VPS13D: variants seen among roughly 807,000 people sequenced by gnomAD.
VPS13D encodes vacuolar protein sorting 13 homolog D.
A neutral mutation model predicts 461.9 loss-of-function variants in VPS13D; 187 were observed. The ratio of observed to expected loss-of-function variants is 0.40; its 90% CI spans 0.36 to 0.46. The LOEUF is 0.46. Among genes scored for constraint, VPS13D ranks in the 20% least tolerant of loss-of-function variants. The pLI is 0.60. For synonymous variants in VPS13D, 1,951 were observed against 1,986.3 expected (o/e 0.98, Z 0.47); for missense variants, 4,711 against 5,364.9 (o/e 0.88, Z 3.81).
At position 12,280,032 on chromosome 1, in the gene VPS13D, G is replaced by T. The variant is rs139029931; in HGVS notation, c.4602+382G>T. Among the ~76,000 whole-genome samples the T allele has an allele frequency of 1.1e-3, 162 of 152,112 alleles. 1 individual carries two copies. The East Asian group carries it at 0.019, about 18-fold the overall frequency. ...AAACATTGTGATCATCTGAGCTGTG[G>T]ACAGATCCTTTCAACAGAGAATTAG... On this transcript the variant is annotated intron_variant, in intron 20 of 69. Transcript: ENST00000620676.
intron 49 of VPS13D, 51 bp from the exon 50 acceptor site, chr1:12,358,408 T>G (rs1643905741): frequency 6.2e-7 from 1 of 1,604,764 alleles, no homozygotes; most frequent in East Asian, 2.2e-5. Flanking sequence ...AACAGGCAGA[T>G]AAGACTTTCT....
At chr1:12,482,859 T>C (rs1027005177) in intron 67 of VPS13D, among the ~76,000 whole-genome samples, 6 of 151,738 alleles carry the variant, frequency 4.0e-5, no homozygotes, top group Non-Finnish European at 7.4e-5. Context: ...TCTAATCTTT[T>C]TCACTCCACA....
chr1:12,438,144 C>G (rs1157657141), intron 65 of VPS13D, among the ~76,000 whole-genome samples: 12 of 152,148 alleles, frequency 7.9e-5, no homozygotes. Context: ...TGTTATAGGA[C>G]TTAGAGAAAT....
intron 60 of VPS13D, among the ~76,000 whole-genome samples, chr1:12,390,593 G>A (rs1422805061): frequency 1.2e-4 from 19 of 152,230 alleles, no homozygotes; most frequent in Admixed American, 1.2e-3. Context: ...CGTATCTGGA[G>A]TAAGCGTCTA....
At position 12,348,961 on chromosome 1, in the gene VPS13D, T is replaced by A; in HGVS notation, c.9208T>A (p.Ser3070Thr). ...AATGGAACTAAGACTGGATAGCCCA[T>A]CAGCTCCAGACAGTATGTTTTGATT... Reference protein sequence around the residue: ...TPMELRLDSPSAPDKPVVLPA... With the variant: ...TPMELRLDSPTAPDKPVVLPA... The change falls in exon 45 of 70, where the codon TCA (serine) becomes ACA (threonine). Residue 3070 changes from serine to threonine, a missense_variant. Transcript: ENST00000620676. The A allele has an allele frequency of 6.2e-7, 1 of 1,614,184 alleles. No individual in the cohort carries two copies. Among genetic ancestry groups the A allele is most frequent in the Non-Finnish European group, 8.5e-7 (1 of 1,180,026 alleles).
intron 11 of VPS13D, 74 bp from the exon 12 acceptor site, chr1:12,260,874 T>C: frequency 6.2e-7 from 1 of 1,610,516 alleles, no homozygotes; most frequent in Non-Finnish European, 8.5e-7. Flanking sequence ...TGTGCTCCTG[T>C]GGGGAAACAG....
chr1:12,461,268 C>CCA (rs1645409518), intron 67 of VPS13D, among the ~76,000 whole-genome samples: 1 of 152,136 alleles, frequency 6.6e-6, no homozygotes, highest in South Asian at 2.1e-4. Flanking sequence ...AGGGCCTGGC[C>CCA]CACATCCACA....
chr1:12,487,983 C>T (rs180971867), intron 67 of VPS13D, among the ~76,000 whole-genome samples: 3 of 152,248 alleles, frequency 2.0e-5, no homozygotes, highest in Non-Finnish European at 1.5e-5. Flanking sequence ...TTTGCTCTAG[C>T]TCGTTTTAAA....
chr1:12,477,636 C>A (rs1012771284), intron 67 of VPS13D, among the ~76,000 whole-genome samples: 1 of 152,296 alleles, frequency 6.6e-6, no homozygotes, highest in Admixed American at 6.5e-5. Context: ...TTAATGAGAA[C>A]ACATGGATAG....
In VPS13D at chr1:12,354,124, T is replaced by C; in HGVS notation, c.9582T>C (p.Leu3194=). Residue 3194 remains leucine, a synonymous_variant, in exon 47 of 70, where the codon CTT becomes CTC. Coordinates refer to ENST00000620676, the MANE Select transcript of VPS13D (RefSeq NM_015378.4). ...TCTGCAACTTGCTACCCTGTGAACTTGATTTTTATGTTAAAGGAATGCCAA... is the reference window on the plus strand; with the variant it reads ...TCTGCAACTTGCTACCCTGTGAACTCGATTTTTATGTTAAAGGAATGCCAA... ...VVICNLLPCE[L]DFYVKGMPIN... The C allele has an allele frequency of 1.2e-6, 2 of 1,614,226 alleles. No individual in the cohort carries two copies. Among genetic ancestry groups the C allele is most frequent in the Non-Finnish European group, 1.7e-6 (2 of 1,180,032 alleles).
intron 65 of VPS13D, among the ~76,000 whole-genome samples, chr1:12,435,968 A>T (rs1027053432): frequency 3.9e-5 from 6 of 152,212 alleles, no homozygotes; most frequent in African/African-American, 1.2e-4. Context: ...CTAACTCTAC[A>T]CATCGAGCTG....
At position 12,273,139 on chromosome 1, in the gene VPS13D, T is replaced by C; in HGVS notation, c.2236+4T>C. ...ATGCTTTTGACGAACACCCAAGGTA[T>C]AGTGTGAGTGGGAAATAATGAAAAC... On this transcript the variant is annotated splice_donor_region_variant and intron_variant, in intron 18 of 69. Coordinates refer to ENST00000620676, the MANE Select transcript of VPS13D (RefSeq NM_015378.4). The C allele has an allele frequency of 1.9e-6, 3 of 1,613,384 alleles. No individual in the cohort carries two copies. Among genetic ancestry groups the C allele is most frequent in the Non-Finnish European group, 1.7e-6 (2 of 1,179,768 alleles).
chr1:12,239,713 G>C (rs190772551), intron 2 of VPS13D, among the ~76,000 whole-genome samples: 1 of 152,110 alleles, frequency 6.6e-6, no homozygotes, highest in South Asian at 2.1e-4. Flanking sequence ...CTGGAGCAGC[G>C]GGAAGAGAGT....
chr1:12,256,690 G>GC (rs1640932659), intron 8 of VPS13D, among the ~76,000 whole-genome samples, 187 bp downstream of exon 8: 1 of 123,028 alleles, frequency 8.1e-6, no homozygotes. Context: ...TCTCAGGTTA[G>GC]TTTTTTTTTT....
At chr1:12,267,647 A>G (rs114721673) in intron 14 of VPS13D, among the ~76,000 whole-genome samples, 198 bp from the exon 15 acceptor site, 2 of 152,324 alleles carry the variant, frequency 1.3e-5, no homozygotes, top group African/African-American at 4.8e-5. Context: ...TTGTCAGTAC[A>G]AAGGAAAAGA....
rs778064785 is a variant in VPS13D at position 12,256,401 on chromosome 1, T to C, written c.738T>C (p.Ala246=). 1.2e-6 allele frequency: 2 copies of C among 1,614,082 alleles called. No individual in the cohort carries two copies. The highest frequency in any genetic ancestry group is 2.2e-5 in the South Asian group (2 of 91,074). Residue 246 remains alanine, a synonymous_variant, in exon 8 of 70, where the codon GCT becomes GCC. Coordinates refer to ENST00000620676, the MANE Select transcript of VPS13D (RefSeq NM_015378.4). Reference sequence around the variant, plus strand: ...TCCTGGAGCCTGTGTTTGCATCTGCTCTTTTGAAGAGAAACTGCTCCAAGA... The same window carrying C: ...TCCTGGAGCCTGTGTTTGCATCTGCCCTTTTGAAGAGAAACTGCTCCAAGA... ...HYVLEPVFAS[A]LLKRNCSKKP... is the part of the protein sequence containing the mutation.
At chr1:12,506,770 G>A in intron 68 of VPS13D, 83 bp from the exon 69 acceptor site, 1 of 1,543,696 alleles carries the variant, frequency 6.5e-7, no homozygotes, top group Non-Finnish European at 8.8e-7. Context: ...CAGGCCCTGG[G>A]GCCACAGAGC....
chr1:12,442,310 T>C (rs1645140912), intron 65 of VPS13D, among the ~76,000 whole-genome samples: 1 of 152,206 alleles, frequency 6.6e-6, no homozygotes. Context: ...TCTTTGAATT[T>C]ATTATATATT....
intron 67 of VPS13D, among the ~76,000 whole-genome samples, chr1:12,487,005 A>C (rs1450072781): frequency 1.3e-5 from 2 of 152,024 alleles, no homozygotes; most frequent in Non-Finnish European, 2.9e-5. Flanking sequence ...CCTCCCTGGA[A>C]GAGATGAGTG....
Sources: gnomAD v4.1 joint callset for allele counts (sites outside exome capture counted in the v4.1 genomes callset) on GRCh38, gnomAD v4.1.1 for gene constraint, MANE v1.5 for transcripts, NCBI Gene and HGNC (gene_info 2026-07-23, HGNC 2026-07-21) for gene names.